The following HDAC4 variants were observed in gnomAD, a reference collection of about 807,000 sequenced individuals.
HDAC4 encodes the protein histone deacetylase A.
A neutral mutation model predicts 135.1 loss-of-function variants in HDAC4; 16 were observed. The observed-to-expected ratio is 0.12, with a 90% CI of 0.08 to 0.18. The LOEUF (loss-of-function observed/expected upper bound fraction) is 0.18, where lower values mean the gene tolerates loss of function less well. Ranked by LOEUF, HDAC4 falls within the 10% of genes least tolerant of loss-of-function variation. HDAC4 has a pLI of 1.00. For synonymous variants in HDAC4, 685 were observed against 653.4 expected (o/e 1.05, Z -0.74); for missense variants, 1,143 against 1,511.8 (o/e 0.76, Z 4.05).
chr2:239,127,700 C>T (rs1185573433), intron 11 of HDAC4, among the ~76,000 whole-genome samples: 4 of 152,244 alleles, frequency 2.6e-5, no homozygotes, highest in African/African-American at 9.6e-5. Flanking sequence ...GTGGGGGACT[C>T]TTTGGAACTC....
intron 2 of HDAC4, among the ~76,000 whole-genome samples, chr2:239,341,005 T>C (rs1692263417): frequency 6.6e-6 from 1 of 152,202 alleles, no homozygotes; most frequent in South Asian, 2.1e-4. Flanking sequence ...ACCATTACCA[T>C]CAAGGACTCG....
chr2:239,318,424 C>T (rs940191131), intron 2 of HDAC4, among the ~76,000 whole-genome samples: 2 of 152,114 alleles, frequency 1.3e-5, no homozygotes, highest in East Asian at 3.9e-4. Context: ...GAGACTGTCC[C>T]GGAGCAAAGG....
At chr2:239,372,810 C>G (rs548026865) in intron 1 of HDAC4, among the ~76,000 whole-genome samples, 3 of 152,228 alleles carry the variant, frequency 2.0e-5, no homozygotes, top group Admixed American at 6.5e-5. Flanking sequence ...TACACACACA[C>G]GCACACACAT....
Position 239,156,789 on chromosome 2 carries a change from A to AGACAGATGGTTTAGTT in HDAC4, c.612-32_612-17dup, listed in dbSNP as rs748953573. On this transcript the variant is annotated splice_polypyrimidine_tract_variant and intron_variant, in intron 6 of 26. Coordinates refer to ENST00000543185, the MANE Select transcript of HDAC4 (RefSeq NM_001378414.1). ...CTGCGTTTTCCTGGAGAGAAGGCAAAGACAGATGGTTTAGTTTACCCAGCG... is the reference window on the plus strand; with the variant it reads ...CTGCGTTTTCCTGGAGAGAAGGCAAAGACAGATGGTTTAGTTGACAGATGGTTTAGTTTACCCAGCG... 12 of 1,613,924 alleles carry AGACAGATGGTTTAGTT rather than the reference A, an allele frequency of 7.4e-6. No individual in the cohort carries two copies. The East Asian group carries it at 2.7e-4, about 36-fold the overall frequency.
At chr2:239,083,269 G>A (rs969833869) in intron 20 of HDAC4, among the ~76,000 whole-genome samples, 9 of 152,242 alleles carry the variant, frequency 5.9e-5, no homozygotes, top group African/African-American at 2.2e-4. Flanking sequence ...TTAGCCATCA[G>A]CGACCTCACA....
At chr2:239,256,037 A>T (rs936557418) in intron 2 of HDAC4, among the ~76,000 whole-genome samples, 2 of 152,232 alleles carry the variant, frequency 1.3e-5, no homozygotes, top group Non-Finnish European at 2.9e-5. Context: ...ATTAATGCAA[A>T]TATTATGTTT....
intron 3 of HDAC4, among the ~76,000 whole-genome samples, chr2:239,226,975 G>C (rs1318729946): frequency 2.6e-5 from 4 of 152,188 alleles, no homozygotes; most frequent in Non-Finnish European, 5.9e-5. Context: ...GGATTGTTTA[G>C]AAAGACACAC....
chr2:239,316,411 G>A (rs996840557), intron 2 of HDAC4, among the ~76,000 whole-genome samples: 3 of 152,104 alleles, frequency 2.0e-5, no homozygotes, highest in Admixed American at 6.5e-5. Flanking sequence ...ACCAGCCTGA[G>A]CAACACAGCA....
At position 239,084,182 on chromosome 2, in the gene HDAC4, G is replaced by A. The variant is rs140462237; in HGVS notation, c.2505C>T (p.Ser835=). 78 of 1,613,246 alleles carry A rather than the reference G, an allele frequency of 4.8e-5. No homozygotes were observed. In the African/African-American group the frequency reaches 6.0e-4, roughly 12 times the overall value. The part of the protein sequence containing the change: ...VAAKLLQQRL[S]VSKILIVDWD... ...AGTCCACGATGAGGATCTTGCTCACGCTCAACCTCTGCTGCAGAAGCTTGG... is the reference window on the plus strand; with the variant it reads ...AGTCCACGATGAGGATCTTGCTCACACTCAACCTCTGCTGCAGAAGCTTGG... Residue 835 remains serine (S), a synonymous_variant, in exon 20 of 27, where the codon AGC becomes AGT. Transcript: ENST00000543185.
In HDAC4 at chr2:239,128,285, G is replaced by A. The variant is rs576830092; in HGVS notation, c.1295-1591C>T. Among the ~76,000 whole-genome samples the A allele has an allele frequency of 5.1e-4, 74 of 144,462 alleles. 2 individuals are homozygous for A. In the Admixed American group the frequency reaches 5.3e-3, roughly 10 times the overall value. 94.8% of individuals were successfully genotyped at this position (144,462 alleles called of 152,430 possible). On this transcript the variant is annotated intron_variant, in intron 11 of 26. Coordinates refer to ENST00000543185, the MANE Select transcript of HDAC4 (RefSeq NM_001378414.1). ...TTTCAGGCTGGGCGCGGTGGTGGCT[G>A]TAATCCTAGCACTTTGAGAGGCCGA...
Position 239,363,138 on chromosome 2 carries a change from C to T in HDAC4, c.-219-10220G>A, listed in dbSNP as rs180801151. Among the ~76,000 whole-genome samples, 750 of 152,224 alleles carry T rather than the reference C, an allele frequency of 4.9e-3. 6 individuals are homozygous for T. The highest frequency in any genetic ancestry group is 0.01 in the Middle Eastern group (3 of 294). On this transcript the variant is annotated intron_variant, in intron 1 of 26. Coordinates refer to ENST00000543185, the MANE Select transcript of HDAC4 (RefSeq NM_001378414.1). ...GAATTCTACATAGAAAACTATAAAA[C>T]GTAAGTGAAATTAGAGATCTCAATA...
rs1029486936 is a variant in HDAC4 at position 239,068,829 on chromosome 2, C to T, written c.2751-222G>A. 1.7e-6 allele frequency: 1 copy of T among 592,660 alleles called. No individual in the cohort carries two copies. Among genetic ancestry groups the T allele is most frequent in the Non-Finnish European group, 3.1e-6 (1 of 319,814 alleles). The allele number at this position is 592,660 out of a possible 1,614,324, so 36.7% of individuals were successfully genotyped here. A position where few individuals can be genotyped will look rare whatever the true frequency, so the allele number is the denominator to read the frequency against. On this transcript the variant is annotated intron_variant, in intron 22 of 26. Transcript: ENST00000543185. The surrounding 1 kb of genome is among the most constrained non-coding windows in gnomAD (Gnocchi z 4.4). ...AGGCTCATTTCACATCTTCACAGTG[C>T]AAGCCAGCAAGCCCCACGACACTTG... is the stretch of plus-strand genomic sequence containing the variant.
chr2:239,171,001 T>C (rs556362506), intron 5 of HDAC4, among the ~76,000 whole-genome samples: 5 of 152,336 alleles, frequency 3.3e-5, no homozygotes, highest in South Asian at 4.1e-4. Flanking sequence ...CAGACCTGAC[T>C]GCATTCAGAT....
At chr2:239,066,117 G>A (rs1271988724) in intron 24 of HDAC4, among the ~76,000 whole-genome samples, 1 of 142,962 alleles carries the variant, frequency 7.0e-6, no homozygotes, top group Non-Finnish European at 1.5e-5. Flanking sequence ...GGAATGGAAC[G>A]CTGCAGGTGG....
intron 1 of HDAC4, among the ~76,000 whole-genome samples, chr2:239,369,804 T>C (rs1044914049): frequency 2.0e-5 from 3 of 152,076 alleles, no homozygotes; most frequent in Non-Finnish European, 4.4e-5. Context: ...CCACCTTTCA[T>C]AGAAAACAAC....
At chr2:239,081,376 G>A (rs1244289064) in intron 21 of HDAC4, among the ~76,000 whole-genome samples, 184 bp from the exon 22 acceptor site, 1 of 152,208 alleles carries the variant, frequency 6.6e-6, no homozygotes, top group Non-Finnish European at 1.5e-5. Context: ...ACTGACAGGG[G>A]CACACTGACA....
intron 1 of HDAC4, among the ~76,000 whole-genome samples, chr2:239,365,831 CAG>C (rs1204479493): frequency 6.6e-6 from 1 of 150,728 alleles, no homozygotes; most frequent in Non-Finnish European, 1.5e-5. Flanking sequence ...GGGACACACG[CAG>C]ACACGCATGC....
intron 11 of HDAC4, among the ~76,000 whole-genome samples, chr2:239,131,784 T>G (rs1348131258): frequency 6.6e-6 from 1 of 152,240 alleles, no homozygotes; most frequent in Non-Finnish European, 1.5e-5. Flanking sequence ...CCGTGGGCCG[T>G]GCACTGGATG....
chr2:239,305,345 A>G (rs1275122959), intron 2 of HDAC4: 2 of 152,646 alleles, frequency 1.3e-5, no homozygotes, highest in Non-Finnish European at 2.9e-5. Context: ...TTTTCTGGAC[A>G]ATGGTAGGGA....
Sources: allele counts gnomAD v4.1 joint callset (sites outside exome capture counted in the v4.1 genomes callset), GRCh38; gene constraint gnomAD v4.1.1; non-coding constraint Gnocchi (gnomAD v3.1); transcripts MANE v1.5; gene names NCBI Gene and HGNC (gene_info 2026-07-23, HGNC 2026-07-21).